Variants in DBR1 observed in about 807,000 individuals in gnomAD.
DBR1 encodes the protein lariat debranching enzyme.
In DBR1, 33 loss-of-function variants were observed where a neutral mutation model predicts 45.9. That is an observed-to-expected ratio of 0.72 (90% CI 0.55 to 0.96). The LOEUF (loss-of-function observed/expected upper bound fraction) is 0.96. Ranked by LOEUF, DBR1 falls within the 40% of genes least tolerant of loss-of-function variation. The pLI is 0.00. For missense variants in DBR1, 619 were observed against 667.4 expected (o/e 0.93, Z 0.80); for synonymous variants, 235 against 235.9 (o/e 1.00, Z 0.04).
At chr3:138,164,698 G>A (rs755404485) in intron 5 of DBR1, among the ~76,000 whole-genome samples, 3 of 152,224 alleles carry the variant, frequency 2.0e-5, no homozygotes, top group Non-Finnish European at 4.4e-5. Flanking sequence ...CCAGGTTGGA[G>A]TGCAGTGGCA....
At chr3:138,174,555 T>TGCC in intron 1 of DBR1, 44 bp downstream of exon 1, 7 of 1,437,556 alleles carry the variant, frequency 4.9e-6, no homozygotes, top group Non-Finnish European at 3.8e-6. Context: ...GGGAACCCAG[T>TGCC]CCCACCCCCC....
chr3:138,167,158 GCT>G lies in DBR1; in HGVS notation c.635_636del (p.Glu212AlafsTer30). 6.2e-7 allele frequency: 1 copy of G among 1,614,186 alleles called. No homozygotes were observed. The highest frequency in any genetic ancestry group is 8.5e-7 in the Non-Finnish European group (1 of 1,180,022). On this transcript the variant is annotated frameshift_variant, in exon 5 of 8. Coordinates refer to ENST00000260803, the MANE Select transcript of DBR1 (RefSeq NM_016216.4). LOFTEE classifies it high-confidence loss of function. The part of the protein sequence containing the change: ...NNTLGSPAAS[E>X]LLEHLKPTYW... ...TAAGTAGGTTTGAGATGCTCTAAAA[GCT>G]CTGAGGCAGCTGGACTTCCTAATGT...
At chr3:138,165,081 G>C (rs1175555502) in intron 5 of DBR1, among the ~76,000 whole-genome samples, 2 of 151,850 alleles carry the variant, frequency 1.3e-5, no homozygotes, top group Non-Finnish European at 2.9e-5. Flanking sequence ...ACTTTCCCCA[G>C]CATCTCTAGT....
chr3:138,163,912 T>C, intron 5 of DBR1, 54 bp from the exon 6 acceptor site: 1 of 1,218,432 alleles, frequency 8.2e-7, no homozygotes, highest in Non-Finnish European at 1.2e-6. Context: ...CCACAGGTAA[T>C]TCTTCATACA....
In DBR1 at chr3:138,163,478, TG is replaced by T; in HGVS notation, c.811del (p.His271MetfsTer28). 1 of 1,602,858 alleles carries T rather than the reference TG, an allele frequency of 6.2e-7. No individual in the cohort carries two copies. Among genetic ancestry groups the T allele is most frequent in the Non-Finnish European group, 8.5e-7 (1 of 1,170,944 alleles). On this transcript the variant is annotated frameshift_variant, in exon 7 of 8. Transcript: ENST00000260803. LOFTEE classifies it high-confidence loss of function. ...CAAGTAATCAGGAGCACTGGGGTCA[TG>T]TTCTATCTCTAATATCTACAGGATG... ...RDFLQILEIEHDPSAPDYLEY... is the reference protein window; with the variant it reads ...RDFLQILEIEXDPSAPDYLEY...
intron 1 of DBR1, 44 bp downstream of exon 1, chr3:138,174,555 T>TGCCCCCCCC: frequency 2.1e-6 from 3 of 1,437,560 alleles, no homozygotes; most frequent in Non-Finnish European, 1.9e-6. Flanking sequence ...GGGAACCCAG[T>TGCCCCCCCC]CCCACCCCCC....
chr3:138,163,394 G>C lies in DBR1; in HGVS notation c.896C>G (p.Thr299Ser). 1 of 1,613,818 alleles carries C rather than the reference G, an allele frequency of 6.2e-7. No individual in the cohort carries two copies. Among genetic ancestry groups the C allele is most frequent in the Non-Finnish European group, 8.5e-7 (1 of 1,179,846 alleles). Residue 299 changes from threonine to serine, a missense_variant, in exon 7 of 8, where the codon ACT (threonine) becomes AGT (serine). By Grantham distance (58) the Thr-to-Ser change is moderately conservative. Around this residue, in one of 3 missense-constraint regions of DBR1, gnomAD observed 430 missense variants for 447.7 expected, o/e 0.96. Coordinates refer to ENST00000260803, the MANE Select transcript of DBR1 (RefSeq NM_016216.4). ...LRATDDLINV[T>S]GRLWNMPENN... Reference sequence around the variant, plus strand: ...TTCTGGCATATTCCACAGGCGCCCAGTCACATTAATAAGATCATCCGTAGC... The same window carrying C: ...TTCTGGCATATTCCACAGGCGCCCACTCACATTAATAAGATCATCCGTAGC...
chr3:138,174,555 T>TCC, intron 1 of DBR1, 44 bp downstream of exon 1: 42 of 1,437,546 alleles, frequency 2.9e-5, no homozygotes, highest in Non-Finnish European at 3.8e-5. Flanking sequence ...GGGAACCCAG[T>TCC]CCCACCCCCC....
chr3:138,171,101 C>T (rs780659887), intron 3 of DBR1, among the ~76,000 whole-genome samples: 7 of 152,000 alleles, frequency 4.6e-5, no homozygotes, highest in African/African-American at 4.8e-5. Context: ...AAGAAGGGAA[C>T]GGGATTGAGG....
chr3:138,169,801 T>C (rs952850108), intron 4 of DBR1, among the ~76,000 whole-genome samples: 1 of 152,038 alleles, frequency 6.6e-6, no homozygotes, highest in Non-Finnish European at 1.5e-5. Flanking sequence ...GGTGTGGTGG[T>C]GTGCGCCCAT....
At position 138,171,674 on chromosome 3, in the gene DBR1, C is replaced by T; in HGVS notation, c.362G>A (p.Gly121Asp). 6.2e-7 allele frequency: 1 copy of T among 1,613,650 alleles called. No homozygotes were observed. The highest frequency in any genetic ancestry group is 8.5e-7 in the Non-Finnish European group (1 of 1,179,716). The change falls in exon 3 of 8, where the codon GGT becomes GAT. Residue 121 changes from glycine (G) to aspartate (D), a missense_variant. Physicochemically the swap from Gly to Asp is moderately conservative, Grantham distance 94 (BLOSUM62 -1). This residue lies in a region of DBR1 where 430 missense variants were observed against 447.7 expected (regional missense o/e 0.96). Transcript: ENST00000260803. ...GVVKYRGVRI[G>D]GISGIFKSHD... ...AGATTTAAAGATACCAGAGATTCCA[C>T]CGATCCTTACACCTCGGTATTTTAC...
Position 138,167,205 on chromosome 3 carries a change from C to T in DBR1, c.590G>A (p.Arg197Gln), listed in dbSNP as rs774430703. Residue 197 changes from arginine (R) to glutamine (Q), a missense_variant, in exon 5 of 8, where the codon CGA becomes CAA. Coordinates refer to ENST00000260803, the MANE Select transcript of DBR1 (RefSeq NM_016216.4). ...TAATGTGTTATTTTCCACTTCTTGTCGGAAAAAAGATTTAGTCTTAAGAAG... is the reference window on the plus strand; with the variant it reads ...TAATGTGTTATTTTCCACTTCTTGTTGGAAAAAAGATTTAGTCTTAAGAAG... The part of the protein sequence containing the change: ...KQLLKTKSFF[R>Q]QEVENNTLGS... The T allele has an allele frequency of 3.0e-5, 48 of 1,613,190 alleles. No homozygotes were observed. Among genetic ancestry groups the T allele is most frequent in the Admixed American group, 5.0e-5 (3 of 59,852 alleles).
At chr3:138,166,553 T>C (rs1283912931) in intron 5 of DBR1, among the ~76,000 whole-genome samples, 1 of 152,194 alleles carries the variant, frequency 6.6e-6, no homozygotes, top group African/African-American at 2.4e-5. Flanking sequence ...AAACTAATCG[T>C]TCTGAAATGA....
At position 138,163,350 on chromosome 3, in the gene DBR1, T is replaced by G. The variant is rs750828935; in HGVS notation, c.940A>C (p.Arg314=). 6.2e-7 allele frequency: 1 copy of G among 1,612,664 alleles called. No individual in the cohort carries two copies. Among genetic ancestry groups the G allele is most frequent in the African/African-American group, 1.3e-5 (1 of 74,992 alleles). ...GGTCCTAAATAAAGTCTGACTTACC[T>G]TGCATGCAGGCCATTATTTTCTGGC... The part of the protein sequence containing the change: ...NMPENNGLHA[R]WDYSATEEGM... Residue 314 remains arginine, a splice_region_variant and synonymous_variant, in exon 7 of 8, where the codon AGG becomes CGG. Transcript: ENST00000260803.
chr3:138,164,776 A>T (rs998216472), intron 5 of DBR1, among the ~76,000 whole-genome samples: 2 of 152,188 alleles, frequency 1.3e-5, no homozygotes, highest in Non-Finnish European at 2.9e-5. Context: ...CCTCCCGAAT[A>T]GCTGGGATTA....
chr3:138,170,886 C>T (rs1263495096), intron 3 of DBR1, among the ~76,000 whole-genome samples: 1 of 152,162 alleles, frequency 6.6e-6, no homozygotes, highest in African/African-American at 2.4e-5. Flanking sequence ...GATTAGATTA[C>T]ATGTATCAAC....
At chr3:138,170,082 C>T (rs1003522332) in intron 4 of DBR1, 25 bp downstream of exon 4, 2 of 1,393,024 alleles carry the variant, frequency 1.4e-6, no homozygotes, top group Non-Finnish European at 2.0e-6. Context: ...GTTTTCAAGT[C>T]TGCTGTAATG....
intron 4 of DBR1, among the ~76,000 whole-genome samples, chr3:138,169,601 T>C (rs2724726): frequency 0.62 from 94,875 of 151,972 alleles, 30,250 homozygotes; most frequent in Non-Finnish European, 0.69. Context: ...GAATTAAATC[T>C]TTCATTCTTA....
Position 138,161,843 on chromosome 3 carries a change from T to C in DBR1, c.*46A>G, listed in dbSNP as rs555451438. On this transcript the variant is annotated 3_prime_UTR_variant, in exon 8 of 8. Transcript: ENST00000260803. ...TCTAGGTGACAAGAGTGAAACTCCA[T>C]CTCAAAAAAACAAAACAAACACAAA... 8 of 1,483,674 alleles carry C rather than the reference T, an allele frequency of 5.4e-6. No individual in the cohort carries two copies. Among genetic ancestry groups the C allele is most frequent in the East Asian group, 2.3e-5 (1 of 44,248 alleles). The allele number at this position is 1,483,674 out of a possible 1,614,324, so 91.9% of individuals were successfully genotyped here.
Sources: gnomAD v4.1 joint callset for allele counts (sites outside exome capture counted in the v4.1 genomes callset) on GRCh38, gnomAD v4.1.1 for gene constraint, gnomAD v4.1.1 regional missense constraint, MANE v1.5 for transcripts, NCBI Gene and HGNC (gene_info 2026-07-23, HGNC 2026-07-21) for gene names.